FANCC: variants seen among roughly 807,000 people sequenced by gnomAD.
FANCC encodes FA complementation group C.
FANCC carries 55 observed loss-of-function variants against 71.3 expected under a neutral mutation model. The observed-to-expected ratio is 0.77, with a 90% CI of 0.62 to 0.97. FANCC has a LOEUF of 0.97. Among genes scored for constraint, FANCC ranks in the 50% least tolerant of loss-of-function variants. The probability of loss-of-function intolerance (pLI) is 0.00; values close to 1 mark genes in which losing one functional copy is unlikely to be tolerated. For missense variants in FANCC, 678 were observed against 670.9 expected (o/e 1.01, Z -0.12); for synonymous variants, 275 against 244.9 (o/e 1.12, Z -1.15).
chr9:95,249,339 C>T lies in FANCC; in HGVS notation c.-48G>A, dbSNP rs1283535718. ...TGTCCCTTCACAGCAGCCTGTCCAG[C>T]ACTGAAGGAAATGGTCGGCACACAT... On this transcript the variant is annotated 5_prime_UTR_variant, in exon 2 of 15. Coordinates refer to ENST00000289081, the MANE Select transcript of FANCC (RefSeq NM_000136.3). The T allele has an allele frequency of 1.9e-6, 3 of 1,580,954 alleles. No individual in the cohort carries two copies. The highest frequency in any genetic ancestry group is 2.6e-6 in the Non-Finnish European group (3 of 1,151,386).
intron 1 of FANCC, among the ~76,000 whole-genome samples, chr9:95,253,896 C>A (rs1394683676): frequency 2.0e-5 from 3 of 152,214 alleles, no homozygotes; most frequent in Admixed American, 1.3e-4. Context: ...AACCTAGATC[C>A]CCTGCATGTG....
At chr9:95,231,191 T>C (rs946252727) in intron 4 of FANCC, among the ~76,000 whole-genome samples, 1 of 152,240 alleles carries the variant, frequency 6.6e-6, no homozygotes, top group African/African-American at 2.4e-5. Context: ...GACCATGAGT[T>C]TATCTCCTTC....
intron 4 of FANCC, among the ~76,000 whole-genome samples, chr9:95,184,550 G>A (rs376376290): frequency 6.6e-6 from 1 of 152,182 alleles, no homozygotes; most frequent in Non-Finnish European, 1.5e-5. Context: ...CATGTGAAAG[G>A]TCTGCATAAA....
At chr9:95,207,168 T>A (rs528805779) in intron 4 of FANCC, among the ~76,000 whole-genome samples, 116 of 152,212 alleles carry the variant, frequency 7.6e-4, no homozygotes, top group African/African-American at 2.6e-3. Context: ...CTGGTCTATA[T>A]CAGGGTGCCT....
In FANCC at chr9:95,240,702, T is replaced by G; in HGVS notation, c.292A>C (p.Ile98Leu). Reference protein sequence around the residue: ...KILIWCLCCLINKEPQNSGQS... With the variant: ...KILIWCLCCLLNKEPQNSGQS... Reference sequence around the variant, plus strand: ...CCAGAATTCTGTGGTTCTTTGTTAATTAGACAACATAAGCACCATATTAGA... The same window carrying G: ...CCAGAATTCTGTGGTTCTTTGTTAAGTAGACAACATAAGCACCATATTAGA... Residue 98 changes from isoleucine to leucine, a missense_variant, in exon 4 of 15, where the codon ATT (isoleucine) becomes CTT (leucine). Ile to Leu is a conservative substitution (Grantham distance 5). Coordinates refer to ENST00000289081, the MANE Select transcript of FANCC (RefSeq NM_000136.3). 1 of 1,613,352 alleles carries G rather than the reference T, an allele frequency of 6.2e-7. No individual in the cohort carries two copies. Among genetic ancestry groups the G allele is most frequent in the South Asian group, 1.1e-5 (1 of 90,994 alleles).
At chr9:95,303,861 G>T (rs577003566) in intron 1 of FANCC, among the ~76,000 whole-genome samples, 1 of 152,126 alleles carries the variant, frequency 6.6e-6, no homozygotes, top group Non-Finnish European at 1.5e-5. Context: ...TCCTTAATTA[G>T]CTTTCTTGTA....
intron 4 of FANCC, among the ~76,000 whole-genome samples, chr9:95,220,707 G>A (rs960378794): frequency 1.3e-4 from 20 of 152,072 alleles, no homozygotes; most frequent in Admixed American, 1.1e-3. Flanking sequence ...ATCACACACC[G>A]GGGCCTGTCA....
At chr9:95,151,976 T>C (rs1411905044) in intron 6 of FANCC, among the ~76,000 whole-genome samples, 1 of 152,002 alleles carries the variant, frequency 6.6e-6, no homozygotes, top group African/African-American at 2.4e-5. Flanking sequence ...AAAACTGCCT[T>C]GCAAAAGACC....
In FANCC at chr9:95,229,804, CAT is replaced by C. The variant is rs201014224; in HGVS notation, c.345+10843_345+10844del. 2.0e-3 allele frequency among the ~76,000 whole-genome samples: 286 copies of C among 139,770 alleles called. 2 individuals are homozygous for C. The highest frequency in any genetic ancestry group is 6.4e-3 in the African/African-American group (243 of 38,098). The allele number at this position is 139,770 out of a possible 152,430, so 91.7% of individuals were successfully genotyped here. On this transcript the variant is annotated intron_variant, in intron 4 of 14. Coordinates refer to ENST00000289081, the MANE Select transcript of FANCC (RefSeq NM_000136.3). ...ACACACACACACACACACACACACA[CAT>C]TGTAATTCTTTCATGGCTCTTTCCA...
chr9:95,237,214 C>A lies in FANCC; in HGVS notation c.345+3435G>T, dbSNP rs1394236183. Among the ~76,000 whole-genome samples, 5 of 152,166 alleles carry A rather than the reference C, an allele frequency of 3.3e-5. No individual in the cohort carries two copies. In the South Asian group the frequency reaches 8.3e-4, roughly 25 times the overall value. ...AAACTGTTTTCCCAACCTCGCATAT[C>A]CTCACCTGTTCCCTACCCACATATT... On this transcript the variant is annotated intron_variant, in intron 4 of 14. Transcript: ENST00000289081.
intron 4 of FANCC, among the ~76,000 whole-genome samples, chr9:95,195,494 T>C (rs1478319616): frequency 6.6e-6 from 1 of 152,206 alleles, no homozygotes; most frequent in East Asian, 1.9e-4. Context: ...CCTCTGTCAA[T>C]ATCACAGGAT....
intron 1 of FANCC, among the ~76,000 whole-genome samples, chr9:95,311,448 C>T (rs1835398271): frequency 6.6e-6 from 1 of 152,110 alleles, no homozygotes; most frequent in South Asian, 2.1e-4. Context: ...AGGTAAATGG[C>T]ACCTCCAAAA....
intron 6 of FANCC, among the ~76,000 whole-genome samples, chr9:95,162,097 C>T (rs2135522227): frequency 6.6e-6 from 1 of 152,332 alleles, no homozygotes; most frequent in South Asian, 2.1e-4. Flanking sequence ...CTGCCTTGGC[C>T]TCCCAATGTG....
intron 10 of FANCC, among the ~76,000 whole-genome samples, chr9:95,119,383 T>C (rs369318552): frequency 2.9e-4 from 44 of 151,666 alleles, no homozygotes; most frequent in African/African-American, 1.1e-3. Flanking sequence ...TTTTTTTTAA[T>C]TGAGATGGAG....
At chr9:95,269,410 G>A (rs1832590913) in intron 1 of FANCC, among the ~76,000 whole-genome samples, 1 of 152,216 alleles carries the variant, frequency 6.6e-6, no homozygotes, top group South Asian at 2.1e-4. Context: ...TTCTCCTTGA[G>A]GAGCTTAAGA....
intron 4 of FANCC, among the ~76,000 whole-genome samples, chr9:95,190,170 A>AC (rs957019294): frequency 6.6e-6 from 1 of 151,474 alleles, no homozygotes; most frequent in Non-Finnish European, 1.5e-5. Flanking sequence ...GCACACGCAC[A>AC]CCCCCCATGT....
intron 4 of FANCC, among the ~76,000 whole-genome samples, chr9:95,230,578 G>A (rs1157189413): frequency 6.6e-6 from 1 of 152,122 alleles, no homozygotes; most frequent in African/African-American, 2.4e-5. Flanking sequence ...AGATGTGTCT[G>A]GAGTTTCTTC....
intron 4 of FANCC, among the ~76,000 whole-genome samples, chr9:95,176,713 C>A (rs1322443854): frequency 6.6e-6 from 1 of 152,282 alleles, no homozygotes; most frequent in Non-Finnish European, 1.5e-5. Context: ...TTGTATATCA[C>A]AATCCACCCT....
chr9:95,120,293 G>A, intron 10 of FANCC, among the ~76,000 whole-genome samples: 1 of 152,058 alleles, frequency 6.6e-6, no homozygotes, highest in East Asian at 1.9e-4. Context: ...AATTGTCTTG[G>A]CATCTCTGTC....
Sources: allele counts gnomAD v4.1 joint callset (sites outside exome capture counted in the v4.1 genomes callset), GRCh38; gene constraint gnomAD v4.1.1; transcripts MANE v1.5; gene names NCBI Gene and HGNC (gene_info 2026-07-23, HGNC 2026-07-21).